Variants in FKBP5 observed in about 807,000 individuals in gnomAD.
FKBP5 encodes the protein FKBP prolyl isomerase 5, also known as peptidyl-prolyl cis-trans isomerase FKBP5.
Under a neutral mutation model 50.5 loss-of-function variants are expected in FKBP5, and 23 were observed. That is an observed-to-expected ratio of 0.46 (90% CI 0.33 to 0.65). The LOEUF (loss-of-function observed/expected upper bound fraction) is 0.65. FKBP5 is among the 30% of genes least tolerant of loss of function. The pLI, the probability that FKBP5 is intolerant of heterozygous loss-of-function variation, is 0.02. For synonymous variants in FKBP5, 176 were observed against 190.6 expected (o/e 0.92, Z 0.63); for missense variants, 411 against 553.1 (o/e 0.74, Z 2.58).
At chr6:35,694,733 C>T (rs1187228916) in intron 2 of FKBP5, among the ~76,000 whole-genome samples, 1 of 151,962 alleles carries the variant, frequency 6.6e-6, no homozygotes, top group Non-Finnish European at 1.5e-5. Flanking sequence ...TTACGGTTCC[C>T]CTTTACTCAA....
chr6:35,585,304 G>A, intron 8 of FKBP5: 1 of 978,686 alleles, frequency 1.0e-6, no homozygotes, highest in Non-Finnish European at 1.2e-6. Context: ...AGTGTATTAT[G>A]TATTTGGATA....
chr6:35,667,750 G>A (rs763106713), intron 1 of FKBP5, among the ~76,000 whole-genome samples: 86 of 152,028 alleles, frequency 5.7e-4, no homozygotes, highest in African/African-American at 1.9e-3. Flanking sequence ...GCGTGGTGGC[G>A]GGTGCCTGTA....
chr6:35,688,227 C>T (rs1349348366), intron 1 of FKBP5, among the ~76,000 whole-genome samples: 1 of 152,232 alleles, frequency 6.6e-6, no homozygotes, highest in East Asian at 1.9e-4. Context: ...ACCCCGCCAC[C>T]ATCCCCTTCA....
chr6:35,653,890 G>C (rs1159256007), intron 1 of FKBP5, among the ~76,000 whole-genome samples: 1 of 151,998 alleles, frequency 6.6e-6, no homozygotes, highest in Admixed American at 6.6e-5. Flanking sequence ...CTGATGGATA[G>C]TGGAAGAAAT....
At position 35,680,988 on chromosome 6, in the gene FKBP5, A is replaced by G. The variant is rs577571155; in HGVS notation, c.-20+7816T>C. Among the ~76,000 whole-genome samples, 6 of 152,392 alleles carry G rather than the reference A, an allele frequency of 3.9e-5. No individual in the cohort carries two copies. The South Asian group carries it at 1.2e-3, about 32-fold the overall frequency. On this transcript the variant is annotated intron_variant, in intron 1 of 10. Transcript: ENST00000357266. ...TTTTGAGGATCCTGTTTCTTCTAAC[A>G]GAAACATGTCATGAGTCTTTAGTGA...
chr6:35,648,485 A>T (rs1764693331), intron 1 of FKBP5, among the ~76,000 whole-genome samples: 1 of 151,850 alleles, frequency 6.6e-6, no homozygotes, highest in African/African-American at 2.4e-5. Context: ...TATGTTGCCC[A>T]GGCTGGTCTT....
intron 5 of FKBP5, among the ~76,000 whole-genome samples, chr6:35,606,000 T>C (rs1189494755): frequency 6.6e-6 from 1 of 152,228 alleles, no homozygotes; most frequent in Non-Finnish European, 1.5e-5. Context: ...TTCTGGACAT[T>C]GCCTAGGCAA....
At chr6:35,576,330 G>GT (rs897403324) in intron 10 of FKBP5, among the ~76,000 whole-genome samples, 5 of 151,882 alleles carry the variant, frequency 3.3e-5, no homozygotes, top group Non-Finnish European at 7.4e-5. Flanking sequence ...TGGGAAAATC[G>GT]TAAGTCTTAC....
chr6:35,627,330 CAG>C (rs1454984480), intron 3 of FKBP5, among the ~76,000 whole-genome samples: 1 of 152,140 alleles, frequency 6.6e-6, no homozygotes, highest in African/African-American at 2.4e-5. Flanking sequence ...TTTTTAGAGA[CAG>C]GGTATCGCTA....
Position 35,603,845 on chromosome 6 carries a change from A to G in FKBP5, c.509-6441T>C, listed in dbSNP as rs142251663. On this transcript the variant is annotated intron_variant, in intron 5 of 10. Coordinates refer to ENST00000357266, the MANE Select transcript of FKBP5 (RefSeq NM_004117.4). ...CTCAGACTCCCAAGTAGCTGGGACT[A>G]CAGGCCCGCACCACCATGCCCAGCT... 8.7e-3 allele frequency among the ~76,000 whole-genome samples: 1,330 copies of G among 152,178 alleles called. 81 individuals are homozygous for G. In the East Asian group the frequency reaches 0.17, roughly 20 times the overall value.
At chr6:35,672,626 C>T (rs1581871420) in intron 1 of FKBP5, among the ~76,000 whole-genome samples, 1 of 151,740 alleles carries the variant, frequency 6.6e-6, no homozygotes, top group East Asian at 1.9e-4. Context: ...ATGCTTATGG[C>T]GACTAAAAAG....
chr6:35,591,472 T>C (rs1290077840), intron 6 of FKBP5, among the ~76,000 whole-genome samples: 1 of 152,206 alleles, frequency 6.6e-6, no homozygotes, highest in East Asian at 1.9e-4. Flanking sequence ...CTGTACTCCT[T>C]GGGGCAGCTT....
At chr6:35,699,495 A>AATG (rs1216468858) in intron 2 of FKBP5, among the ~76,000 whole-genome samples, 1 of 152,144 alleles carries the variant, frequency 6.6e-6, no homozygotes, top group African/African-American at 2.4e-5. Context: ...TCTGTCTCCT[A>AATG]ATGATTCACT....
At chr6:35,579,921 TA>T (rs1448097418) in intron 9 of FKBP5, 114 bp downstream of exon 9, 46 of 767,034 alleles carry the variant, frequency 6.0e-5, no homozygotes, top group Non-Finnish European at 7.6e-5. Context: ...TTCAAATAAA[TA>T]AAAAAAAGCA....
intron 2 of FKBP5, among the ~76,000 whole-genome samples, chr6:35,715,973 T>C (rs568064633): frequency 6.6e-6 from 1 of 151,980 alleles, no homozygotes; most frequent in African/African-American, 2.4e-5. Context: ...ATGGAAAGGA[T>C]AGGGCAAGAA....
intron 2 of FKBP5, among the ~76,000 whole-genome samples, chr6:35,718,981 C>T (rs1250807610): frequency 6.6e-6 from 1 of 152,166 alleles, no homozygotes; most frequent in South Asian, 2.1e-4. Flanking sequence ...GGAGGAGGGG[C>T]AGGGACCTCT....
intron 5 of FKBP5, among the ~76,000 whole-genome samples, chr6:35,600,713 G>A (rs908640604): frequency 6.6e-6 from 1 of 152,116 alleles, no homozygotes; most frequent in African/African-American, 2.4e-5. Context: ...TACATTTAGT[G>A]GGGGAGGAAA....
At chr6:35,635,989 A>G (rs1054101504) in intron 3 of FKBP5, among the ~76,000 whole-genome samples, 2 of 152,230 alleles carry the variant, frequency 1.3e-5, no homozygotes, top group Admixed American at 1.3e-4. Flanking sequence ...ACAATGTGGA[A>G]ACTGAAAGTG....
At chr6:35,658,463 A>G (rs1281489620) in intron 1 of FKBP5, among the ~76,000 whole-genome samples, 1 of 151,972 alleles carries the variant, frequency 6.6e-6, no homozygotes, top group Non-Finnish European at 1.5e-5. Context: ...TAAATATTAT[A>G]TAGGGAAAGC....
Sources: allele counts gnomAD v4.1 joint callset (sites outside exome capture counted in the v4.1 genomes callset), GRCh38; gene constraint gnomAD v4.1.1; transcripts MANE v1.5; gene names NCBI Gene and HGNC (gene_info 2026-07-23, HGNC 2026-07-21).